Variants in WDR70 observed in about 807,000 individuals in gnomAD.
WDR70 encodes WD repeat-containing protein 70.
Under a neutral mutation model 88.6 loss-of-function variants are expected in WDR70, and 53 were observed. That is an observed-to-expected ratio of 0.60 (90% CI 0.48 to 0.75). WDR70 has a LOEUF of 0.75. WDR70 is among the 30% of genes least tolerant of loss of function. WDR70 has a pLI of 0.00. For missense variants in WDR70, 610 were observed against 823.2 expected, an observed-to-expected ratio of 0.74 and a Z score of 3.17; for synonymous variants, 280 against 270.0, an observed-to-expected ratio of 1.04 and a Z score of -0.36.
intron 10 of WDR70, among the ~76,000 whole-genome samples, chr5:37,642,028 T>C (rs976009954): frequency 2.0e-5 from 3 of 152,208 alleles, no homozygotes; most frequent in African/African-American, 7.2e-5. Flanking sequence ...ATAGGAATTT[T>C]GAAAGGATGA....
At chr5:37,386,056 GC>G (rs1338273045) in intron 3 of WDR70, among the ~76,000 whole-genome samples, 1 of 149,096 alleles carries the variant, frequency 6.7e-6, no homozygotes, top group African/African-American at 2.5e-5. Context: ...CTCATGATCC[GC>G]CCCCCTCAGC....
intron 13 of WDR70, among the ~76,000 whole-genome samples, chr5:37,718,247 T>A (rs1451726644): frequency 6.6e-6 from 1 of 152,160 alleles, no homozygotes; most frequent in Non-Finnish European, 1.5e-5. Context: ...TGGACCTTGG[T>A]CTGTTGGCTT....
chr5:37,525,041 C>A (rs955020551), intron 9 of WDR70, among the ~76,000 whole-genome samples: 6 of 152,158 alleles, frequency 3.9e-5, no homozygotes, highest in African/African-American at 1.4e-4. Context: ...GAGACTTTAA[C>A]ACCCCACTGT....
chr5:37,667,844 G>GA (rs70978835), intron 10 of WDR70, among the ~76,000 whole-genome samples: 2,265 of 82,616 alleles, frequency 0.027, 404 homozygotes, highest in African/African-American at 0.12. Flanking sequence ...TGTACGATCT[G>GA]AAAAAAAAAA....
At chr5:37,613,652 CCTT>C (rs1257308687) in intron 10 of WDR70, among the ~76,000 whole-genome samples, 1 of 152,142 alleles carries the variant, frequency 6.6e-6, no homozygotes, top group African/African-American at 2.4e-5. Flanking sequence ...GTCCTCTCCT[CCTT>C]CTCTGTTGTT....
chr5:37,499,587 TTCTCTCTCTCTC>T (rs72226896), intron 8 of WDR70, among the ~76,000 whole-genome samples: 3 of 41,856 alleles, frequency 7.2e-5, no homozygotes, highest in African/African-American at 1.8e-4. Context: ...TTTGGAAATA[TTCTCTCTCTCTC>T]TCTCTCTCTC....
At chr5:37,397,127 A>T (rs2111905425) in intron 5 of WDR70, among the ~76,000 whole-genome samples, 1 of 145,858 alleles carries the variant, frequency 6.9e-6, no homozygotes, top group Middle Eastern at 3.5e-3. Flanking sequence ...ACAGAGTGAG[A>T]CCCTGTCTCA....
At chr5:37,417,248 G>C (rs1332419755) in intron 5 of WDR70, among the ~76,000 whole-genome samples, 1 of 151,966 alleles carries the variant, frequency 6.6e-6, no homozygotes, top group Non-Finnish European at 1.5e-5. Context: ...TTTTGAGACA[G>C]GGTCTTGCTC....
intron 9 of WDR70, among the ~76,000 whole-genome samples, chr5:37,576,875 G>A (rs1325789669): frequency 2.0e-5 from 3 of 151,874 alleles, no homozygotes. Context: ...TTTATGACAG[G>A]GTAAAGAAGA....
chr5:37,424,377 A>G (rs1280345122), intron 5 of WDR70, among the ~76,000 whole-genome samples: 1 of 147,134 alleles, frequency 6.8e-6, no homozygotes, highest in Non-Finnish European at 1.5e-5. Flanking sequence ...TCAGTACTGC[A>G]CTTTGCAAGT....
chr5:37,751,958 C>T (rs1025778459), intron 17 of WDR70, among the ~76,000 whole-genome samples: 5 of 152,152 alleles, frequency 3.3e-5, no homozygotes, highest in African/African-American at 7.2e-5. Flanking sequence ...GGGGGATATT[C>T]GTTTTCTTTG....
At chr5:37,654,080 T>C (rs1323168576) in intron 10 of WDR70, among the ~76,000 whole-genome samples, 1 of 152,202 alleles carries the variant, frequency 6.6e-6, no homozygotes, top group Non-Finnish European at 1.5e-5. Context: ...TGTGGGCATT[T>C]AGTGCTATAA....
intron 9 of WDR70, among the ~76,000 whole-genome samples, chr5:37,603,560 A>G (rs1387124114): frequency 6.6e-6 from 1 of 152,232 alleles, no homozygotes; most frequent in Non-Finnish European, 1.5e-5. Context: ...TAGATTTTTT[A>G]TATGTGATCC....
chr5:37,554,017 ATTGTT>A (rs1455819675), intron 9 of WDR70, among the ~76,000 whole-genome samples: 1 of 151,652 alleles, frequency 6.6e-6, no homozygotes. Context: ...ATTATGGAAT[ATTGTT>A]TTAACAACAG....
chr5:37,572,625 C>A (rs944028671), intron 9 of WDR70, among the ~76,000 whole-genome samples: 2 of 152,114 alleles, frequency 1.3e-5, no homozygotes, highest in African/African-American at 2.4e-5. Flanking sequence ...ACCCCACTTG[C>A]ACCAGTTCTG....
Position 37,735,598 on chromosome 5 carries a change from T to C in WDR70, c.1877+8553T>C, listed in dbSNP as rs530212900. On this transcript the variant is annotated intron_variant, in intron 17 of 17. Coordinates refer to ENST00000265107, the MANE Select transcript of WDR70 (RefSeq NM_018034.4). ...TTGCATTTGTTGCATACTAAGTTCA[T>C]GGCACTGTCTGTCTGTGGCATGTAA... is the stretch of plus-strand genomic sequence containing the variant. 2.0e-5 allele frequency among the ~76,000 whole-genome samples: 3 copies of C among 152,320 alleles called. No individual in the cohort carries two copies. In the East Asian group the frequency reaches 5.8e-4, roughly 29 times the overall value.
chr5:37,382,238 A>G (rs1748449959), intron 3 of WDR70, among the ~76,000 whole-genome samples: 1 of 151,468 alleles, frequency 6.6e-6, no homozygotes, highest in Non-Finnish European at 1.5e-5. Context: ...AGCTGGGACT[A>G]TAGGCACATG....
chr5:37,676,497 G>A (rs1746215884), intron 10 of WDR70, among the ~76,000 whole-genome samples: 1 of 152,004 alleles, frequency 6.6e-6, no homozygotes, highest in Admixed American at 6.6e-5. Context: ...ATAATCATGT[G>A]GTTTTTGTCT....
At chr5:37,599,656 C>CT (rs1195526735) in intron 9 of WDR70, among the ~76,000 whole-genome samples, 1 of 152,126 alleles carries the variant, frequency 6.6e-6, no homozygotes, top group Non-Finnish European at 1.5e-5. Flanking sequence ...CTTTTGAAGG[C>CT]TGAGGTGGGT....
Sources: allele counts gnomAD v4.1 joint callset (sites outside exome capture counted in the v4.1 genomes callset), GRCh38; gene constraint gnomAD v4.1.1; transcripts MANE v1.5; gene names NCBI Gene and HGNC (gene_info 2026-07-23, HGNC 2026-07-21).